The following FTCDNL1 variants were observed in gnomAD, a reference collection of about 807,000 sequenced individuals.
FTCDNL1 encodes the protein formiminotransferase N-terminal subdomain-containing protein.
In FTCDNL1, 11 loss-of-function variants were observed where a neutral mutation model predicts 5.9. That is an observed-to-expected ratio of 1.87 (90% CI 1.18 to 3.10). FTCDNL1 has a LOEUF of 3.10. FTCDNL1 is among the 30% of genes most tolerant of loss of function. The pLI is 0.00. For missense variants in FTCDNL1, 115 were observed against 65.5 expected (o/e 1.76, Z -2.61); for synonymous variants, 58 against 24.8 (o/e 2.34, Z -3.99).
chr2:199,720,616 C>A, the FTCDNL1 span, among the ~76,000 whole-genome samples: 1 of 152,198 alleles, frequency 6.6e-6, no homozygotes, highest in Non-Finnish European at 1.5e-5. Flanking sequence ...TTTATCTTCA[C>A]ATGGTCTTTT....
the FTCDNL1 span, among the ~76,000 whole-genome samples, chr2:199,720,421 T>G: frequency 6.6e-6 from 1 of 152,198 alleles, no homozygotes; most frequent in Admixed American, 6.5e-5. Context: ...CATAGCAAAT[T>G]ACCACAAAGT....
chr2:199,813,911 T>TCA (rs1191702861), intron 4 of FTCDNL1, among the ~76,000 whole-genome samples: 2 of 21,832 alleles, frequency 9.2e-5, no homozygotes, highest in Non-Finnish European at 1.7e-4. Flanking sequence ...AGACTCTGTC[T>TCA]CAAAAAAAAA....
intron 2 of FTCDNL1, among the ~76,000 whole-genome samples, chr2:199,848,218 G>A (rs1292819611): frequency 5.3e-5 from 8 of 152,282 alleles, no homozygotes; most frequent in African/African-American, 1.9e-4. Flanking sequence ...GTTTTTTAAA[G>A]AGCAGTATCT....
the FTCDNL1 span, among the ~76,000 whole-genome samples, chr2:199,736,816 C>A: frequency 6.6e-6 from 1 of 152,314 alleles, no homozygotes; most frequent in South Asian, 2.1e-4. Context: ...AGGCACCAAC[C>A]AACCCAGTCA....
At chr2:199,666,789 C>T in the FTCDNL1 span, among the ~76,000 whole-genome samples, 1 of 151,946 alleles carries the variant, frequency 6.6e-6, no homozygotes, top group Non-Finnish European at 1.5e-5. Flanking sequence ...GTGGTGCATG[C>T]CTGTAATCCC....
chr2:199,726,328 G>T, the FTCDNL1 span, among the ~76,000 whole-genome samples: 1 of 152,128 alleles, frequency 6.6e-6, no homozygotes, highest in Non-Finnish European at 1.5e-5. Flanking sequence ...CATTGGGTTA[G>T]AATATACCCC....
At chr2:199,790,305 C>T (rs1270169004) in intron 3 of FTCDNL1, among the ~76,000 whole-genome samples, 1 of 151,974 alleles carries the variant, frequency 6.6e-6, no homozygotes, top group African/African-American at 2.4e-5. Flanking sequence ...CGAGACCAGC[C>T]TGGCCAACAT....
Position 199,846,073 on chromosome 2 carries a change from A to G in FTCDNL1, c.211+2T>C. On this transcript the variant is annotated splice_donor_variant, in intron 3 of 4. Coordinates refer to ENST00000420128, the MANE Select transcript of FTCDNL1 (RefSeq NM_001363886.2). LOFTEE classifies it high-confidence loss of function. Reference sequence around the variant, plus strand: ...ATGTAAAGAAAGAAACTGAAATCTTACCCAACTTATCAACAGAAGTTGCTA... The same window carrying G: ...ATGTAAAGAAAGAAACTGAAATCTTGCCCAACTTATCAACAGAAGTTGCTA... 1.5e-6 allele frequency: 1 copy of G among 689,632 alleles called. No individual in the cohort carries two copies. 42.7% of individuals were successfully genotyped at this position (689,632 alleles called of 1,614,324 possible). A position where few individuals can be genotyped will look rare whatever the true frequency, so the allele number is the denominator to read the frequency against.
intron 3 of FTCDNL1, among the ~76,000 whole-genome samples, chr2:199,769,399 T>C (rs115680728): frequency 0.022 from 3,380 of 152,162 alleles, 129 homozygotes; most frequent in African/African-American, 0.077. Flanking sequence ...AAAATGGGAG[T>C]TCCCCTGCAC....
chr2:199,682,143 A>G, the FTCDNL1 span, among the ~76,000 whole-genome samples: 3,716 of 152,288 alleles, frequency 0.024, 160 homozygotes, highest in African/African-American at 0.083. Flanking sequence ...TGAGATTAAC[A>G]TGTACATCAG....
At chr2:199,732,927 T>C in the FTCDNL1 span, among the ~76,000 whole-genome samples, 1 of 152,212 alleles carries the variant, frequency 6.6e-6, no homozygotes, top group Non-Finnish European at 1.5e-5. Context: ...TTTAAAAGAC[T>C]AGCATGACTC....
At chr2:199,774,102 T>A (rs1698945974) in intron 3 of FTCDNL1, among the ~76,000 whole-genome samples, 1 of 152,216 alleles carries the variant, frequency 6.6e-6, no homozygotes, top group Admixed American at 6.5e-5. Flanking sequence ...GGCCTTTTGG[T>A]CCTTTTCTAC....
At chr2:199,776,171 A>T (rs1252289890) in intron 3 of FTCDNL1, among the ~76,000 whole-genome samples, 1 of 152,038 alleles carries the variant, frequency 6.6e-6, no homozygotes, top group Non-Finnish European at 1.5e-5. Flanking sequence ...CTTGGCCAGG[A>T]TCTCCTTTTA....
At chr2:199,727,469 C>T in the FTCDNL1 span, among the ~76,000 whole-genome samples, 2 of 152,320 alleles carry the variant, frequency 1.3e-5, no homozygotes, top group African/African-American at 4.8e-5. Flanking sequence ...TGTGGCTTCC[C>T]TAACAGGGTA....
At chr2:199,689,042 TA>T in the FTCDNL1 span, among the ~76,000 whole-genome samples, 1 of 152,210 alleles carries the variant, frequency 6.6e-6, no homozygotes, top group Non-Finnish European at 1.5e-5. Context: ...GCATTATTTA[TA>T]ATACCAAAAC....
chr2:199,775,975 G>A (rs918698336), intron 3 of FTCDNL1, among the ~76,000 whole-genome samples: 16 of 149,272 alleles, frequency 1.1e-4, no homozygotes, highest in Admixed American at 2.7e-4. Context: ...GTGCAGTGGC[G>A]CGATATCAGC....
intron 3 of FTCDNL1, among the ~76,000 whole-genome samples, chr2:199,843,435 C>A (rs576061557): frequency 6.6e-6 from 1 of 152,096 alleles, no homozygotes; most frequent in Admixed American, 6.5e-5. Flanking sequence ...ATTTCCCCAC[C>A]CCCCCATGCT....
chr2:199,795,256 C>T (rs753787070), intron 3 of FTCDNL1, among the ~76,000 whole-genome samples: 1 of 152,042 alleles, frequency 6.6e-6, no homozygotes, highest in Non-Finnish European at 1.5e-5. Context: ...TTGTCTTTTA[C>T]CCACTTGTTA....
intron 4 of FTCDNL1, among the ~76,000 whole-genome samples, chr2:199,816,721 C>G (rs1204033506): frequency 6.6e-6 from 1 of 152,144 alleles, no homozygotes; most frequent in Non-Finnish European, 1.5e-5. Flanking sequence ...CTAATATTGC[C>G]TTTACAATGA....
Sources: gnomAD v4.1 joint callset for allele counts (sites outside exome capture counted in the v4.1 genomes callset) on GRCh38, gnomAD v4.1.1 for gene constraint, MANE v1.5 for transcripts, NCBI Gene and HGNC (gene_info 2026-07-23, HGNC 2026-07-21) for gene names.